The following ABCB11 variants were observed in gnomAD, a reference collection of about 807,000 sequenced individuals.
ABCB11 encodes the protein ATP binding cassette subfamily B member 11.
A neutral mutation model predicts 148.0 loss-of-function variants in ABCB11; 95 were observed. The ratio of observed to expected loss-of-function variants is 0.64; its 90% CI spans 0.54 to 0.76. The LOEUF (loss-of-function observed/expected upper bound fraction) is 0.76. Among genes scored for constraint, ABCB11 ranks in the 30% least tolerant of loss-of-function variants. ABCB11 has a pLI of 0.00. For synonymous variants in ABCB11, 591 were observed against 555.4 expected (o/e 1.06, Z -0.90); for missense variants, 1,523 against 1,617.8 (o/e 0.94, Z 1.01).
intron 11 of ABCB11, 49 bp downstream of exon 11, chr2:168,979,817 C>G (rs767362106): frequency 9.3e-7 from 1 of 1,073,218 alleles, no homozygotes; most frequent in Admixed American, 2.4e-5. Flanking sequence ...CTGTGCCCCA[C>G]CCCCCAGCCC....
intron 27 of ABCB11, among the ~76,000 whole-genome samples, chr2:168,924,304 T>C (rs1005745818): frequency 4.6e-5 from 7 of 152,218 alleles, no homozygotes; most frequent in Admixed American, 4.6e-4. Context: ...TTTCTTTGTG[T>C]TGCATGTGGC....
intron 19 of ABCB11, among the ~76,000 whole-genome samples, chr2:168,947,997 A>G (rs1692405394): frequency 2.6e-5 from 4 of 151,550 alleles, no homozygotes; most frequent in African/African-American, 7.3e-5. Context: ...GATATCTTAG[A>G]GATCATCTTT....
At chr2:168,949,570 T>A (rs1692470091) in intron 19 of ABCB11, among the ~76,000 whole-genome samples, 1 of 151,728 alleles carries the variant, frequency 6.6e-6, no homozygotes, top group Non-Finnish European at 1.5e-5. Flanking sequence ...CCATGGTATA[T>A]CGTATTTTCT....
At chr2:168,969,794 T>C (rs1693489840) in intron 15 of ABCB11, among the ~76,000 whole-genome samples, 1 of 152,048 alleles carries the variant, frequency 6.6e-6, no homozygotes, top group Non-Finnish European at 1.5e-5. Context: ...ACTTAAAAAA[T>C]ATCATAAGCT....
rs1692872609 is a variant in ABCB11 at position 168,958,022 on chromosome 2, G to T, written c.2285C>A (p.Ala762Glu). 2 of 1,610,688 alleles carry T rather than the reference G, an allele frequency of 1.2e-6. No individual in the cohort carries two copies. The highest frequency in any genetic ancestry group is 1.7e-6 in the Non-Finnish European group (2 of 1,177,882). ...GGGTGTGACTGTCCCGTTCACAGCT[G>T]CACCCACAGACCCTACCAGCATGTA... ...WPYMLVGSVGAAVNGTVTPLY... is the reference protein window; with the variant it reads ...WPYMLVGSVGEAVNGTVTPLY... The change falls in exon 19 of 28, where the codon GCA (alanine) becomes GAA (glutamate). Residue 762 changes from alanine (A) to glutamate (E), a missense_variant. By Grantham distance (107) the Ala-to-Glu change is moderately radical. Transcript: ENST00000650372.
intron 9 of ABCB11, 107 bp downstream of exon 9, chr2:168,990,694 G>A: frequency 2.1e-6 from 3 of 1,400,968 alleles, no homozygotes; most frequent in Non-Finnish European, 3.0e-6. Flanking sequence ...TACTTCCTCT[G>A]GAGGCCACAG....
rs770693935 is a variant in ABCB11 at position 168,972,026 on chromosome 2, G to A, written c.1459C>T (p.Arg487Cys). ...GMVTVDGHDIRSLNIQWLRDQ... is the reference protein window; with the variant it reads ...GMVTVDGHDICSLNIQWLRDQ... Reference sequence around the variant, plus strand: ...CTAAGCCACTGAATGTTAAGAGAGCGAATGTCATGGCCATCCACGGTCACC... The same window carrying A: ...CTAAGCCACTGAATGTTAAGAGAGCAAATGTCATGGCCATCCACGGTCACC... Residue 487 changes from arginine (R) to cysteine (C), a missense_variant, in exon 14 of 28, where the codon CGC (arginine) becomes TGC (cysteine). Physicochemically the swap from Arg to Cys is radical, Grantham distance 180. Transcript: ENST00000650372. 18 of 1,612,546 alleles carry A rather than the reference G, an allele frequency of 1.1e-5. No individual in the cohort carries two copies. The highest frequency in any genetic ancestry group is 2.2e-5 in the East Asian group (1 of 44,738).
intron 5 of ABCB11, among the ~76,000 whole-genome samples, chr2:169,009,826 G>A (rs773548828): frequency 7.9e-5 from 12 of 152,208 alleles, no homozygotes; most frequent in South Asian, 4.2e-4. Context: ...TGTACACTTC[G>A]AGTGGGTGAA....
At chr2:169,014,904 C>T (rs781744477) in intron 3 of ABCB11, among the ~76,000 whole-genome samples, 14 of 152,110 alleles carry the variant, frequency 9.2e-5, no homozygotes, top group African/African-American at 1.9e-4. Context: ...TCTTCAACTT[C>T]GGGGATCTTG....
At chr2:169,007,334 T>C (rs1255573999) in intron 5 of ABCB11, among the ~76,000 whole-genome samples, 1 of 152,166 alleles carries the variant, frequency 6.6e-6, no homozygotes, top group East Asian at 1.9e-4. Flanking sequence ...AATTCACCCC[T>C]ACAAAAATTT....
chr2:169,007,924 A>G (rs1304220898), intron 5 of ABCB11, among the ~76,000 whole-genome samples: 2 of 152,210 alleles, frequency 1.3e-5, no homozygotes, highest in East Asian at 1.9e-4. Context: ...GAATTCCTAC[A>G]ACTCAATAAT....
intron 2 of ABCB11, among the ~76,000 whole-genome samples, chr2:169,017,757 C>G (rs1204130938): frequency 6.6e-6 from 1 of 152,048 alleles, no homozygotes; most frequent in African/African-American, 2.4e-5. Context: ...CAATACAGGA[C>G]TAAAGGTAGT....
downstream of ABCB11, among the ~76,000 whole-genome samples, chr2:168,920,063 G>C (rs988326600): frequency 6.6e-6 from 1 of 151,770 alleles, no homozygotes; most frequent in Non-Finnish European, 1.5e-5. Context: ...ATGGGGTTTC[G>C]CCAGGTTGCC....
At chr2:169,003,351 T>TGTGTGTGTGC (rs1553471294) in intron 5 of ABCB11, among the ~76,000 whole-genome samples, 3 of 145,662 alleles carry the variant, frequency 2.1e-5, no homozygotes, top group African/African-American at 5.0e-5. Context: ...TGTGTGTGCA[T>TGTGTGTGTGC]ATATATATAT....
chr2:168,961,529 G>A (rs1693076156), intron 18 of ABCB11, among the ~76,000 whole-genome samples: 1 of 151,670 alleles, frequency 6.6e-6, no homozygotes, highest in African/African-American at 2.4e-5. Flanking sequence ...ATTTGATCCT[G>A]ACTTGATCTC....
At chr2:168,931,756 C>T (rs1338868129) in intron 24 of ABCB11, among the ~76,000 whole-genome samples, 1 of 152,182 alleles carries the variant, frequency 6.6e-6, no homozygotes, top group Non-Finnish European at 1.5e-5. Flanking sequence ...TTTTATATTA[C>T]ACAGAATTTA....
chr2:168,968,407 G>C lies in ABCB11; in HGVS notation c.2075+20C>G, dbSNP rs76855720. The C allele has an allele frequency of 6.2e-6, 10 of 1,606,184 alleles. No homozygotes were observed. In the Admixed American group the frequency reaches 1.7e-4, roughly 27 times the overall value. ...AGAATATTTGGAAAGCTTGTAATCT[G>C]CCCCATGGCTTGAGCTTACCTTAAA... On this transcript the variant is annotated intron_variant, in intron 17 of 27. Transcript: ENST00000650372.
chr2:169,001,373 AC>A (rs1287897116), intron 5 of ABCB11, among the ~76,000 whole-genome samples: 1 of 152,174 alleles, frequency 6.6e-6, no homozygotes, highest in Non-Finnish European at 1.5e-5. Context: ...TCAGCTGGCA[AC>A]AAATTCTCTT....
chr2:168,979,233 C>A (rs1016377274), intron 11 of ABCB11, among the ~76,000 whole-genome samples: 1 of 152,058 alleles, frequency 6.6e-6, no homozygotes, highest in Non-Finnish European at 1.5e-5. Flanking sequence ...AAATCAGCAG[C>A]CTTTTCCAAC....
Sources: allele counts gnomAD v4.1 joint callset (sites outside exome capture counted in the v4.1 genomes callset), GRCh38; gene constraint gnomAD v4.1.1; transcripts MANE v1.5; gene names NCBI Gene and HGNC (gene_info 2026-07-23, HGNC 2026-07-21).